The following PRKG1 variants were observed in gnomAD, a reference collection of about 807,000 sequenced individuals.
PRKG1 encodes the protein protein kinase cGMP-dependent 1.
A neutral mutation model predicts 88.1 loss-of-function variants in PRKG1; 35 were observed. That is an observed-to-expected ratio of 0.40 (90% CI 0.30 to 0.53). PRKG1 has a LOEUF of 0.53. PRKG1 is among the 20% of genes least tolerant of loss of function. The pLI, the probability that PRKG1 is intolerant of heterozygous loss-of-function variation, is 0.59. For missense variants in PRKG1, 540 were observed against 839.8 expected, an observed-to-expected ratio of 0.64 and a Z score of 4.41; for synonymous variants, 303 against 292.5, an observed-to-expected ratio of 1.04 and a Z score of -0.37.
chr10:51,870,559 C>T (rs1841131070), intron 4 of PRKG1, among the ~76,000 whole-genome samples: 2 of 151,976 alleles, frequency 1.3e-5, no homozygotes, highest in South Asian at 4.1e-4. Flanking sequence ...GGGTGTCTTA[C>T]ATCTTTCTTG....
intron 4 of PRKG1, among the ~76,000 whole-genome samples, chr10:51,808,300 T>C (rs1839359746): frequency 6.6e-6 from 1 of 152,192 alleles, no homozygotes; most frequent in Admixed American, 6.5e-5. Flanking sequence ...TTATCACTTT[T>C]TTCTTTATGA....
chr10:51,511,800 A>G (rs1841420500), intron 3 of PRKG1, among the ~76,000 whole-genome samples: 1 of 152,226 alleles, frequency 6.6e-6, no homozygotes, highest in African/African-American at 2.4e-5. Context: ...ACCAACAGAA[A>G]TGCATATAGG....
intron 2 of PRKG1, among the ~76,000 whole-genome samples, chr10:51,327,991 A>G (rs911158238): frequency 3.3e-5 from 5 of 152,136 alleles, no homozygotes; most frequent in Non-Finnish European, 7.3e-5. Context: ...AGAACACTTT[A>G]TATCTATTAG....
At chr10:52,031,625 A>G (rs1412663613) in intron 5 of PRKG1, among the ~76,000 whole-genome samples, 1 of 152,214 alleles carries the variant, frequency 6.6e-6, no homozygotes, top group Non-Finnish European at 1.5e-5. Flanking sequence ...AATTCTAATT[A>G]ATTCAATTTA....
At position 52,295,171 on chromosome 10, in the gene PRKG1, G is replaced by A. The variant is rs1271707716; in HGVS notation, c.*1271G>A. The A allele has an allele frequency of 6.6e-6, 1 of 152,008 alleles. No individual in the cohort carries two copies. The highest frequency in any genetic ancestry group is 1.5e-5 in the Non-Finnish European group (1 of 67,968). 9.4% of individuals were successfully genotyped at this position (152,008 alleles called of 1,614,324 possible). On this transcript the variant is annotated 3_prime_UTR_variant, in exon 18 of 18. Transcript: ENST00000373980. ...AGAAAGAAAGCCCAAAGTCAAAGTTGTTAATATTTACAGGTTTACCAGATC... is the reference window on the plus strand; with the variant it reads ...AGAAAGAAAGCCCAAAGTCAAAGTTATTAATATTTACAGGTTTACCAGATC...
At chr10:51,739,706 C>T (rs943546659) in intron 3 of PRKG1, among the ~76,000 whole-genome samples, 11 of 152,072 alleles carry the variant, frequency 7.2e-5, no homozygotes, top group Non-Finnish European at 7.4e-5. Flanking sequence ...GGCGTGGTGG[C>T]TCATGGCTGT....
At chr10:51,109,670 C>T (rs1416039478) in intron 1 of PRKG1, among the ~76,000 whole-genome samples, 1 of 152,006 alleles carries the variant, frequency 6.6e-6, no homozygotes, top group Non-Finnish European at 1.5e-5. Flanking sequence ...CACATAAGAT[C>T]AAAACTTAGC....
intron 5 of PRKG1, among the ~76,000 whole-genome samples, chr10:52,002,866 T>C (rs1446462960): frequency 6.6e-6 from 1 of 152,180 alleles, no homozygotes; most frequent in Admixed American, 6.5e-5. Flanking sequence ...AGTGTACCAA[T>C]TAAAATATTT....
chr10:51,570,178 G>A (rs1248386833), intron 3 of PRKG1, among the ~76,000 whole-genome samples: 1 of 151,018 alleles, frequency 6.6e-6, no homozygotes, highest in African/African-American at 2.4e-5. Flanking sequence ...TGACACAGGA[G>A]TTGGATCTGT....
chr10:51,191,097 G>C (rs1837619874), intron 2 of PRKG1, among the ~76,000 whole-genome samples: 1 of 151,482 alleles, frequency 6.6e-6, no homozygotes, highest in African/African-American at 2.4e-5. Context: ...CCTAAGATTT[G>C]TTTATCAGTT....
chr10:52,064,247 G>T (rs73342904), intron 7 of PRKG1, among the ~76,000 whole-genome samples: 47,805 of 152,122 alleles, frequency 0.31, 8,113 homozygotes, highest in Non-Finnish European at 0.39. Flanking sequence ...AAGCCCAGAG[G>T]GGGGTGAGTT....
chr10:51,416,541 G>A (rs746271541), intron 2 of PRKG1, among the ~76,000 whole-genome samples: 2 of 152,106 alleles, frequency 1.3e-5, no homozygotes, highest in Non-Finnish European at 1.5e-5. Flanking sequence ...CTATGCCACC[G>A]GGACACAGTA....
At chr10:51,291,129 T>G (rs1840572295) in intron 2 of PRKG1, among the ~76,000 whole-genome samples, 1 of 152,194 alleles carries the variant, frequency 6.6e-6, no homozygotes, top group South Asian at 2.1e-4. Flanking sequence ...AAAATGACTC[T>G]TCTCTTCCAA....
At chr10:51,019,472 TA>T (rs370932735) in intron 1 of PRKG1, among the ~76,000 whole-genome samples, 88 of 152,250 alleles carry the variant, frequency 5.8e-4, no homozygotes, top group African/African-American at 2.0e-3. Flanking sequence ...GGTCCTTACC[TA>T]ACACCATATA....
chr10:51,239,211 A>C (rs991069845), intron 2 of PRKG1, among the ~76,000 whole-genome samples: 3 of 152,240 alleles, frequency 2.0e-5, no homozygotes. Context: ...ACTGGTTCTT[A>C]AATAGCATCC....
chr10:52,102,533 T>G (rs1847317577), intron 7 of PRKG1, among the ~76,000 whole-genome samples: 2 of 149,186 alleles, frequency 1.3e-5, no homozygotes, highest in South Asian at 4.3e-4. Flanking sequence ...GTGCATGAAT[T>G]CATAGGATCT....
chr10:51,429,223 A>G (rs1250828451), intron 2 of PRKG1, among the ~76,000 whole-genome samples: 1 of 152,250 alleles, frequency 6.6e-6, no homozygotes, highest in African/African-American at 2.4e-5. Flanking sequence ...ATAATCACTA[A>G]GAAGCCAAAT....
At chr10:52,178,943 C>G (rs1180630934) in intron 9 of PRKG1, among the ~76,000 whole-genome samples, 1 of 140,496 alleles carries the variant, frequency 7.1e-6, no homozygotes, top group Non-Finnish European at 1.5e-5. Flanking sequence ...TTTTTTTTTT[C>G]TCTTTAATCC....
chr10:51,658,435 C>T (rs574728945), intron 3 of PRKG1, among the ~76,000 whole-genome samples: 2 of 152,060 alleles, frequency 1.3e-5, no homozygotes, highest in South Asian at 4.1e-4. Flanking sequence ...CACAAAATGA[C>T]AAATGTCCCT....
Sources: allele counts gnomAD v4.1 joint callset (sites outside exome capture counted in the v4.1 genomes callset), GRCh38; gene constraint gnomAD v4.1.1; transcripts MANE v1.5; gene names NCBI Gene and HGNC (gene_info 2026-07-23, HGNC 2026-07-21).